The following ADD3 variants were observed in gnomAD, a reference collection of about 807,000 sequenced individuals.
ADD3 encodes gamma-adducin.
ADD3 carries 25 observed loss-of-function variants against 80.2 expected under a neutral mutation model. That is an observed-to-expected ratio of 0.31 (90% confidence interval 0.23 to 0.44). The LOEUF (loss-of-function observed/expected upper bound fraction) is 0.44, where lower values mean the gene tolerates loss of function less well. Among genes scored for constraint, ADD3 ranks in the 20% least tolerant of loss-of-function variants. The probability of loss-of-function intolerance (pLI) is 1.00; values close to 1 mark genes in which losing one functional copy is unlikely to be tolerated. For missense variants in ADD3, 829 were observed against 847.5 expected, an observed-to-expected ratio of 0.98 and a Z score of 0.27; for synonymous variants, 284 against 289.6, an observed-to-expected ratio of 0.98 and a Z score of 0.20.
intron 1 of ADD3, among the ~76,000 whole-genome samples, chr10:110,087,996 C>T (rs1378394260): frequency 6.6e-6 from 1 of 152,142 alleles, no homozygotes; most frequent in Non-Finnish European, 1.5e-5. Flanking sequence ...GGTCCCTAGG[C>T]TTGTGCTGCA....
At chr10:110,116,818 A>G (rs949205033) in intron 4 of ADD3, among the ~76,000 whole-genome samples, 1 of 152,174 alleles carries the variant, frequency 6.6e-6, no homozygotes, top group Non-Finnish European at 1.5e-5. Context: ...TCACCATCAT[A>G]TTTTTATTTT....
chr10:110,090,873 A>AT (rs1847415517), intron 1 of ADD3, among the ~76,000 whole-genome samples: 1 of 151,988 alleles, frequency 6.6e-6, no homozygotes, highest in Non-Finnish European at 1.5e-5. Flanking sequence ...TTTAAGTTGG[A>AT]TTTTAAACTA....
chr10:110,129,045 T>G (rs1234490055), intron 12 of ADD3, among the ~76,000 whole-genome samples: 1 of 152,176 alleles, frequency 6.6e-6, no homozygotes, highest in East Asian at 1.9e-4. Context: ...CTATTTAGTT[T>G]ATCTGGAAAA....
At chr10:110,058,236 T>C (rs921123857) in intron 1 of ADD3, among the ~76,000 whole-genome samples, 5 of 152,156 alleles carry the variant, frequency 3.3e-5, no homozygotes, top group African/African-American at 1.2e-4. Flanking sequence ...GTCTCTCCTT[T>C]TTTCAGGAAA....
intron 1 of ADD3, among the ~76,000 whole-genome samples, chr10:110,037,170 C>T (rs1855759895): frequency 6.6e-6 from 1 of 152,204 alleles, no homozygotes; most frequent in Non-Finnish European, 1.5e-5. Context: ...ATTTCCTGGA[C>T]TTGCCTAAAG....
intron 2 of ADD3, among the ~76,000 whole-genome samples, chr10:110,102,462 AGTCGAGC>A (rs1384205738): frequency 6.6e-6 from 1 of 152,152 alleles, no homozygotes; most frequent in Non-Finnish European, 1.5e-5. Context: ...TTAAAAAATT[AGTCGAGC>A]GTGGTGGTGT....
At chr10:110,012,720 G>A (rs1852466462) in intron 1 of ADD3, among the ~76,000 whole-genome samples, 1 of 151,704 alleles carries the variant, frequency 6.6e-6, no homozygotes, top group African/African-American at 2.4e-5. Flanking sequence ...AACCGTTATT[G>A]TACAAGATGT....
chr10:110,054,624 T>G (rs1857936639), intron 1 of ADD3, among the ~76,000 whole-genome samples: 1 of 150,096 alleles, frequency 6.7e-6, no homozygotes, highest in African/African-American at 2.5e-5. Context: ...CTTTTTTTTT[T>G]TTTTTTTAGA....
At chr10:110,017,169 C>T (rs1234388681) in intron 1 of ADD3, among the ~76,000 whole-genome samples, 3 of 152,212 alleles carry the variant, frequency 2.0e-5, no homozygotes, top group African/African-American at 7.2e-5. Context: ...CCCTTAAGCA[C>T]TATGCTATAT....
At chr10:110,114,948 C>T (rs1850521556) in intron 3 of ADD3, among the ~76,000 whole-genome samples, 1 of 151,902 alleles carries the variant, frequency 6.6e-6, no homozygotes, top group Admixed American at 6.6e-5. Flanking sequence ...GGTGTGGCAG[C>T]ATGCCCTGTA....
At chr10:110,002,771 A>C (rs963804266), upstream of ADD3, among the ~76,000 whole-genome samples, 1 of 152,382 alleles carries the variant, frequency 6.6e-6, no homozygotes, top group Non-Finnish European at 1.5e-5. Flanking sequence ...GTGATATTTC[A>C]TTAAAGTTTC....
At chr10:110,012,805 C>T (rs1455870418) in intron 1 of ADD3, among the ~76,000 whole-genome samples, 2 of 151,570 alleles carry the variant, frequency 1.3e-5, no homozygotes, top group Admixed American at 6.6e-5. Context: ...CACTATGTTG[C>T]CCAGGCTGGT....
chr10:110,041,972 ATAT>A lies in ADD3; in HGVS notation c.-30+33675_-30+33677del, dbSNP rs1380949871. 2.6e-5 allele frequency among the ~76,000 whole-genome samples: 4 copies of A among 152,358 alleles called. No individual in the cohort carries two copies. In the East Asian group the frequency reaches 7.7e-4, roughly 29 times the overall value. ...TTATATTTGAGAGAATTCAAATAAA[ATAT>A]TCTAAAGTTGGTAGCGTCTCTTGGG... is the stretch of plus-strand genomic sequence containing the variant. On this transcript the variant is annotated intron_variant, in intron 1 of 14. Coordinates refer to ENST00000356080, the MANE Select transcript of ADD3 (RefSeq NM_016824.5).
At chr10:110,079,094 C>T (rs1248227226) in intron 1 of ADD3, 1 of 152,060 alleles carries the variant, frequency 6.6e-6, no homozygotes, top group South Asian at 2.1e-4. Flanking sequence ...TTTATGCATA[C>T]CCTATTAGTG....
intron 2 of ADD3, among the ~76,000 whole-genome samples, chr10:110,103,836 G>A (rs1849112376): frequency 6.6e-6 from 1 of 152,088 alleles, no homozygotes; most frequent in African/African-American, 2.4e-5. Context: ...GAGTACCTGG[G>A]ACTACAGGTA....
At chr10:110,012,264 T>C (rs986886172) in intron 1 of ADD3, among the ~76,000 whole-genome samples, 1 of 152,250 alleles carries the variant, frequency 6.6e-6, no homozygotes, top group African/African-American at 2.4e-5. Flanking sequence ...GGATCTTTTA[T>C]TTATTTCATG....
At chr10:110,071,862 C>A (rs1378144873) in intron 1 of ADD3, among the ~76,000 whole-genome samples, 1 of 152,152 alleles carries the variant, frequency 6.6e-6, no homozygotes, top group Non-Finnish European at 1.5e-5. Flanking sequence ...GCTGAACTTA[C>A]CAATCATTGT....
At chr10:110,101,483 A>C (rs1161100294) in intron 2 of ADD3, among the ~76,000 whole-genome samples, 1 of 152,046 alleles carries the variant, frequency 6.6e-6, no homozygotes, top group African/African-American at 2.4e-5. Context: ...AAAAATTTAA[A>C]AATTAACTGG....
chr10:110,095,087 G>A (rs889023899), intron 1 of ADD3, among the ~76,000 whole-genome samples: 2 of 152,224 alleles, frequency 1.3e-5, no homozygotes, highest in African/African-American at 2.4e-5. Context: ...AAGGAGTTGT[G>A]ATATAGTAAA....
Sources: allele counts gnomAD v4.1 joint callset (sites outside exome capture counted in the v4.1 genomes callset), GRCh38; gene constraint gnomAD v4.1.1; transcripts MANE v1.5; gene names NCBI Gene and HGNC (gene_info 2026-07-23, HGNC 2026-07-21).